Variants in NAALADL2 observed in about 807,000 individuals in gnomAD.
NAALADL2 encodes N-acetylated alpha-linked acidic dipeptidase like 2.
In NAALADL2, 76 loss-of-function variants were observed where a neutral mutation model predicts 87.2. The ratio of observed to expected loss-of-function variants is 0.87; its 90% CI spans 0.72 to 1.05. The LOEUF is 1.05. NAALADL2 is among the 50% of genes least tolerant of loss of function. The pLI is 0.00. For synonymous variants in NAALADL2, 354 were observed against 331.0 expected (o/e 1.07, Z -0.75); for missense variants, 1,089 against 945.8 (o/e 1.15, Z -1.99).
At chr3:175,305,524 T>C (rs1009363362) in intron 4 of NAALADL2, among the ~76,000 whole-genome samples, 10 of 152,076 alleles carry the variant, frequency 6.6e-5, no homozygotes, top group African/African-American at 2.2e-4. Flanking sequence ...TTTTTCTTTT[T>C]CTTTTTTTTT....
Position 175,434,174 on chromosome 3 carries a change from C to T in NAALADL2, c.1091-13055C>T, listed in dbSNP as rs528621551. Among the ~76,000 whole-genome samples the T allele has an allele frequency of 2.0e-5, 3 of 152,014 alleles. No homozygotes were observed. The East Asian group carries it at 5.8e-4, about 29-fold the overall frequency. On this transcript the variant is annotated intron_variant, in intron 5 of 13. Transcript: ENST00000454872. ...TCTGTAATAATAGTAAGACATTCAC[C>T]TCAAATTTAGATGTATGCATGTAAC...
intron 5 of NAALADL2, among the ~76,000 whole-genome samples, chr3:175,385,627 T>C (rs1414340949): frequency 6.6e-6 from 1 of 152,108 alleles, no homozygotes; most frequent in Non-Finnish European, 1.5e-5. Flanking sequence ...AAGAGAATAA[T>C]TCAAATATCT....
At chr3:175,700,059 AT>A (rs1738769160) in intron 11 of NAALADL2, among the ~76,000 whole-genome samples, 1 of 152,096 alleles carries the variant, frequency 6.6e-6, no homozygotes, top group Non-Finnish European at 1.5e-5. Context: ...ATCCAGAAGT[AT>A]TTACTTCCCT....
chr3:175,684,247 G>C (rs1735978090), intron 11 of NAALADL2, among the ~76,000 whole-genome samples: 1 of 151,842 alleles, frequency 6.6e-6, no homozygotes, highest in African/African-American at 2.4e-5. Flanking sequence ...ATTTTGTATA[G>C]ATTTTTAAAA....
At chr3:175,187,335 G>A (rs1272782557) in intron 2 of NAALADL2, among the ~76,000 whole-genome samples, 1 of 152,046 alleles carries the variant, frequency 6.6e-6, no homozygotes, top group Non-Finnish European at 1.5e-5. Context: ...TTGATAAAAA[G>A]GTTTACTGAC....
Position 174,635,037 on chromosome 3 carries a change from A to G in NAALADL2, c.-115+84400A>G, listed in dbSNP as rs184967677. On this transcript the variant is annotated intron_variant, in intron 2 of 3. Transcript: ENST00000434257. ...TTTAAACAATATTGACAAAAATGTG[A>G]TCTTGCTTCAAATTGTTTTATGGTA... is the stretch of plus-strand genomic sequence containing the variant. 1.8e-3 allele frequency among the ~76,000 whole-genome samples: 267 copies of G among 152,306 alleles called. 7 individuals carry two copies. In the South Asian group the frequency reaches 0.053, roughly 30 times the overall value.
At chr3:174,689,833 A>G (rs1477079417) in intron 2 of NAALADL2, among the ~76,000 whole-genome samples, 1 of 152,194 alleles carries the variant, frequency 6.6e-6, no homozygotes, top group Non-Finnish European at 1.5e-5. Flanking sequence ...ATGTTGGGAA[A>G]GAATGTTCTA....
At chr3:174,882,775 A>G (rs184018705) in intron 1 of NAALADL2, among the ~76,000 whole-genome samples, 1 of 129,720 alleles carries the variant, frequency 7.7e-6, no homozygotes, top group Non-Finnish European at 1.7e-5. Context: ...ACACGTGTAT[A>G]TATACATATG....
chr3:174,818,777 A>G (rs187906408), intron 3 of NAALADL2, among the ~76,000 whole-genome samples: 5 of 152,190 alleles, frequency 3.3e-5, no homozygotes, highest in African/African-American at 1.2e-4. Flanking sequence ...GACCAAGTCT[A>G]TGTGGTTAGC....
At chr3:175,731,618 T>A (rs1341382267) in intron 11 of NAALADL2, among the ~76,000 whole-genome samples, 1 of 152,186 alleles carries the variant, frequency 6.6e-6, no homozygotes, top group African/African-American at 2.4e-5. Context: ...CTGTGCTGCA[T>A]GACAAGGAGT....
intron 5 of NAALADL2, among the ~76,000 whole-genome samples, chr3:175,385,916 G>A (rs920154889): frequency 2.0e-4 from 31 of 152,002 alleles, no homozygotes; most frequent in African/African-American, 6.8e-4. Flanking sequence ...CAAGGAAGAG[G>A]GGAGGGGAGA....
chr3:174,605,265 C>T (rs1041456730), intron 2 of NAALADL2, among the ~76,000 whole-genome samples: 1 of 152,192 alleles, frequency 6.6e-6, no homozygotes, highest in Admixed American at 6.5e-5. Flanking sequence ...TCTGCATTTC[C>T]ATCTGAGGTA....
chr3:175,135,503 C>T (rs1728977850), intron 2 of NAALADL2, among the ~76,000 whole-genome samples: 1 of 151,936 alleles, frequency 6.6e-6, no homozygotes, highest in Admixed American at 6.6e-5. Flanking sequence ...GGATTTTTTG[C>T]TGGCTTATGA....
intron 1 of NAALADL2, among the ~76,000 whole-genome samples, chr3:174,503,859 C>G (rs1350554808): frequency 6.6e-6 from 1 of 151,804 alleles, no homozygotes; most frequent in Non-Finnish European, 1.5e-5. Flanking sequence ...TATAATGAAC[C>G]CTTCTTTCAA....
At chr3:175,620,052 C>T (rs2149696993) in intron 10 of NAALADL2, among the ~76,000 whole-genome samples, 1 of 146,104 alleles carries the variant, frequency 6.8e-6, no homozygotes, top group East Asian at 2.1e-4. Flanking sequence ...CTTACAGGGG[C>T]GAGAATTTTT....
At chr3:174,942,570 T>C (rs1025232020) in intron 1 of NAALADL2, among the ~76,000 whole-genome samples, 8 of 152,308 alleles carry the variant, frequency 5.3e-5, no homozygotes, top group African/African-American at 1.7e-4. Context: ...TGAATCTGAC[T>C]GTTGGGCTCT....
rs552803809 is a variant in NAALADL2 at position 174,965,505 on chromosome 3, T to G, written c.43+106055T>G. Among the ~76,000 whole-genome samples, 14 of 152,252 alleles carry G rather than the reference T, an allele frequency of 9.2e-5. No individual in the cohort carries two copies. The East Asian group carries it at 2.7e-3, about 29-fold the overall frequency. On this transcript the variant is annotated intron_variant, in intron 1 of 13. Coordinates refer to ENST00000454872, the MANE Select transcript of NAALADL2 (RefSeq NM_207015.3). ...TACTTCAGTGGTGAAGTGTAAAGAT[T>G]TCAAATATATGCAAGTATTGTGAGA...
chr3:174,894,772 A>C (rs1351476951), intron 1 of NAALADL2, among the ~76,000 whole-genome samples: 1 of 152,046 alleles, frequency 6.6e-6, no homozygotes, highest in Non-Finnish European at 1.5e-5. Context: ...ATTCTCAAAA[A>C]CAGACCATGT....
chr3:175,753,134 C>T (rs1746817233), intron 12 of NAALADL2, among the ~76,000 whole-genome samples: 1 of 152,080 alleles, frequency 6.6e-6, no homozygotes, highest in Non-Finnish European at 1.5e-5. Flanking sequence ...ACTTTGAAAA[C>T]ATCAAATGCC....
Sources: allele counts gnomAD v4.1 joint callset (sites outside exome capture counted in the v4.1 genomes callset), GRCh38; gene constraint gnomAD v4.1.1; transcripts MANE v1.5; gene names NCBI Gene and HGNC (gene_info 2026-07-23, HGNC 2026-07-21).